SHISA6: variants seen among roughly 807,000 people sequenced by gnomAD.
SHISA6 encodes the protein shisa family member 6.
A neutral mutation model predicts 47.9 loss-of-function variants in SHISA6; 22 were observed. That is an observed-to-expected ratio of 0.46 (90% CI 0.33 to 0.66). The LOEUF is 0.66. Among genes scored for constraint, SHISA6 ranks in the 30% least tolerant of loss-of-function variants. The probability of loss-of-function intolerance (pLI) is 0.02; values close to 1 mark genes in which losing one functional copy is unlikely to be tolerated. For missense variants in SHISA6, 680 were observed against 764.6 expected, an observed-to-expected ratio of 0.89 and a Z score of 1.30; for synonymous variants, 388 against 337.8, an observed-to-expected ratio of 1.15 and a Z score of -1.63.
At chr17:11,324,894 G>A (rs1014839597) in intron 2 of SHISA6, among the ~76,000 whole-genome samples, 1 of 152,222 alleles carries the variant, frequency 6.6e-6, no homozygotes, top group African/African-American at 2.4e-5. Context: ...GTAGCACAGC[G>A]AGGGCCGGGT....
At chr17:11,468,393 A>AG (rs1915860489) in intron 3 of SHISA6, among the ~76,000 whole-genome samples, 1 of 152,010 alleles carries the variant, frequency 6.6e-6, no homozygotes, top group African/African-American at 2.4e-5. Context: ...GGAATCAACC[A>AG]GGGACATCCT....
chr17:11,560,234 C>A lies in SHISA6; in HGVS notation c.*1930C>A, dbSNP rs2072029276. On this transcript the variant is annotated 3_prime_UTR_variant, in exon 6 of 6. Transcript: ENST00000441885. ...GTGCCTCCCAACAGGAACAGGAAAC[C>A]ATCACCCTGGATCTTAGGGGGATGG... The A allele has an allele frequency of 6.6e-6, 1 of 152,268 alleles. No individual in the cohort carries two copies. Among genetic ancestry groups the A allele is most frequent in the African/African-American group, 2.4e-5 (1 of 41,426 alleles). 9.4% of individuals were successfully genotyped at this position (152,268 alleles called of 1,614,324 possible).
chr17:11,361,954 C>G (rs550463309), intron 2 of SHISA6, among the ~76,000 whole-genome samples: 2 of 152,240 alleles, frequency 1.3e-5, no homozygotes, highest in African/African-American at 4.8e-5. Context: ...TTCAGGGGAC[C>G]TTTTTCCTCT....
In SHISA6 at chr17:11,441,509, G is replaced by T. The variant is rs1282632253; in HGVS notation, c.895+62000G>T. On this transcript the variant is annotated intron_variant, in intron 3 of 5. Transcript: ENST00000441885. ...AGAACATATGCTTCGTGAGAACCCA[G>T]TGAGAGATGGCATTAAACATTTTAA... 5.9e-5 allele frequency among the ~76,000 whole-genome samples: 9 copies of T among 152,310 alleles called. No individual in the cohort carries two copies. In the East Asian group the frequency reaches 1.7e-3, roughly 29 times the overall value.
intron 2 of SHISA6, among the ~76,000 whole-genome samples, chr17:11,303,181 TTGAG>T (rs1909984945): frequency 1.3e-5 from 2 of 151,882 alleles, no homozygotes; most frequent in South Asian, 4.2e-4. Flanking sequence ...GTAGTTATGT[TTGAG>T]TGTGTGTGCT....
At chr17:11,322,720 G>C (rs1910753603) in intron 2 of SHISA6, among the ~76,000 whole-genome samples, 3 of 152,176 alleles carry the variant, frequency 2.0e-5, no homozygotes, top group Admixed American at 2.0e-4. Context: ...TTTCTTATGT[G>C]CATACATGGG....
chr17:11,427,482 C>T (rs1914640614), intron 3 of SHISA6, among the ~76,000 whole-genome samples: 1 of 152,092 alleles, frequency 6.6e-6, no homozygotes, highest in Admixed American at 6.6e-5. Flanking sequence ...CTCCACCTTC[C>T]AGCCTAAGCT....
At chr17:11,455,044 C>T (rs1412452676) in intron 3 of SHISA6, among the ~76,000 whole-genome samples, 1 of 152,064 alleles carries the variant, frequency 6.6e-6, no homozygotes, top group Non-Finnish European at 1.5e-5. Flanking sequence ...TGGTGAGCAC[C>T]TGTAGTCCAA....
intron 3 of SHISA6, among the ~76,000 whole-genome samples, chr17:11,448,385 G>A (rs1009199678): frequency 2.1e-5 from 3 of 145,594 alleles, no homozygotes; most frequent in Admixed American, 2.0e-4. Context: ...AAAATTAGCC[G>A]GGCGTGGTGG....
At chr17:11,253,778 T>C (rs2080375534) in intron 1 of SHISA6, among the ~76,000 whole-genome samples, 1 of 152,226 alleles carries the variant, frequency 6.6e-6, no homozygotes, top group Admixed American at 6.5e-5. Flanking sequence ...ACTCTCTCTC[T>C]TTCGGCTTTG....
intron 3 of SHISA6, among the ~76,000 whole-genome samples, chr17:11,472,625 G>A (rs1012114810): frequency 6.6e-6 from 1 of 152,222 alleles, no homozygotes; most frequent in African/African-American, 2.4e-5. Context: ...TAAGGCTGCT[G>A]TAAACATCAT....
intron 2 of SHISA6, among the ~76,000 whole-genome samples, chr17:11,335,667 A>G (rs1465848650): frequency 3.9e-5 from 6 of 152,120 alleles, no homozygotes; most frequent in Admixed American, 6.6e-5. Context: ...TCCCAAGGAA[A>G]CTGGAATATT....
At chr17:11,534,388 A>G (rs1436541125) in intron 3 of SHISA6, among the ~76,000 whole-genome samples, 1 of 152,052 alleles carries the variant, frequency 6.6e-6, no homozygotes, top group Non-Finnish European at 1.5e-5. Context: ...CTGCCTTCAT[A>G]TCTCCCCAAG....
intron 2 of SHISA6, among the ~76,000 whole-genome samples, chr17:11,306,943 G>A (rs1311821374): frequency 1.3e-5 from 2 of 152,112 alleles, no homozygotes; most frequent in African/African-American, 4.8e-5. Context: ...GTTGATCTTT[G>A]CCTAAAAGAT....
intron 2 of SHISA6, among the ~76,000 whole-genome samples, chr17:11,277,686 G>T (rs1020444128): frequency 6.6e-6 from 1 of 152,116 alleles, no homozygotes; most frequent in Non-Finnish European, 1.5e-5. Flanking sequence ...AAAGAAGTCA[G>T]TTCAGGGATT....
chr17:11,273,767 G>A (rs9913500), intron 2 of SHISA6, among the ~76,000 whole-genome samples: 6,267 of 152,306 alleles, frequency 0.041, 426 homozygotes, highest in African/African-American at 0.14. Flanking sequence ...TCAGGGTGTG[G>A]TCTGACCTAG....
At chr17:11,439,321 G>A (rs1051936435) in intron 3 of SHISA6, among the ~76,000 whole-genome samples, 5 of 152,098 alleles carry the variant, frequency 3.3e-5, no homozygotes, top group South Asian at 2.1e-4. Flanking sequence ...CTAGAATAAC[G>A]TACATCTACG....
chr17:11,540,368 C>T lies in SHISA6; in HGVS notation c.896-11528C>T, dbSNP rs372462559. Reference sequence around the variant, plus strand: ...AGAGTGAAGTTGGGACACTTCATTCCCAGGCTACCTTCCTGTACATTAATG... The same window carrying T: ...AGAGTGAAGTTGGGACACTTCATTCTCAGGCTACCTTCCTGTACATTAATG... On this transcript the variant is annotated intron_variant, in intron 3 of 5. Transcript: ENST00000441885. Among the ~76,000 whole-genome samples the T allele has an allele frequency of 3.9e-5, 6 of 152,128 alleles. No individual in the cohort carries two copies. The East Asian group carries it at 1.2e-3, about 29-fold the overall frequency.
intron 2 of SHISA6, among the ~76,000 whole-genome samples, chr17:11,303,307 G>A (rs1410246206): frequency 6.6e-6 from 1 of 152,012 alleles, no homozygotes; most frequent in African/African-American, 2.4e-5. Context: ...ATGGTTGTGT[G>A]TATAGTTGTG....
Sources: allele counts gnomAD v4.1 joint callset (sites outside exome capture counted in the v4.1 genomes callset), GRCh38; gene constraint gnomAD v4.1.1; transcripts MANE v1.5; gene names NCBI Gene and HGNC (gene_info 2026-07-23, HGNC 2026-07-21).